The following PDLIM1 variants were observed in gnomAD, a reference collection of about 807,000 sequenced individuals.
The protein encoded by PDLIM1 is PDZ and LIM domain protein 1.
PDLIM1 carries 25 observed loss-of-function variants against 35.2 expected under a neutral mutation model. The observed-to-expected ratio is 0.71, with a 90% CI of 0.52 to 0.99. PDLIM1 has a LOEUF of 0.99. Ranked by LOEUF, PDLIM1 falls within the 50% of genes least tolerant of loss-of-function variation. The probability of loss-of-function intolerance (pLI) is 0.00; values close to 1 mark genes in which losing one functional copy is unlikely to be tolerated. For missense variants in PDLIM1, 363 were observed against 415.3 expected (o/e 0.87, Z 1.09); for synonymous variants, 152 against 154.0 (o/e 0.99, Z 0.10).
chr10:95,248,366 G>A lies in PDLIM1; in HGVS notation c.534-1000C>T, dbSNP rs537289130. ...CTCAATAGATAAATCCTCCTGCCTC[G>A]GCCTCCTGAGTGGCTAGGACTACAG... On this transcript the variant is annotated intron_variant, in intron 4 of 6. Coordinates refer to ENST00000329399, the MANE Select transcript of PDLIM1 (RefSeq NM_020992.4). Among the ~76,000 whole-genome samples the A allele has an allele frequency of 2.2e-4, 33 of 152,190 alleles. No individual in the cohort carries two copies. In the South Asian group the frequency reaches 5.0e-3, roughly 23 times the overall value.
At chr10:95,261,223 G>A (rs180903494) in intron 4 of PDLIM1, among the ~76,000 whole-genome samples, 60 of 152,284 alleles carry the variant, frequency 3.9e-4, no homozygotes, top group African/African-American at 1.4e-3. Flanking sequence ...AAATAGCCAA[G>A]GCCATACTAA....
intron 1 of PDLIM1, among the ~76,000 whole-genome samples, chr10:95,282,930 C>T (rs1019244180): frequency 6.6e-6 from 1 of 152,158 alleles, no homozygotes; most frequent in African/African-American, 2.4e-5. Flanking sequence ...GGCGACAGAG[C>T]GAGACTCCGT....
rs534190119 is a variant in PDLIM1 at position 95,267,810 on chromosome 10, A to C, written c.333+968T>G. Among the ~76,000 whole-genome samples the C allele has an allele frequency of 7.2e-5, 11 of 152,354 alleles. No homozygotes were observed. The East Asian group carries it at 2.1e-3, about 29-fold the overall frequency. ...CATCTTAATTCACCATAAAAACTAA[A>C]TAGTATCCCAAATTTAGAAAAATAA... On this transcript the variant is annotated intron_variant, in intron 3 of 6. Transcript: ENST00000329399.
intron 3 of PDLIM1, 103 bp downstream of exon 3, chr10:95,268,675 C>A (rs147583326): frequency 6.4e-6 from 5 of 786,004 alleles, no homozygotes; most frequent in African/African-American, 1.7e-5. Flanking sequence ...AGGGTCTTAT[C>A]CCCAGGCCTC....
At chr10:95,247,415 A>C in intron 4 of PDLIM1, 49 bp from the exon 5 acceptor site, 1 of 1,502,484 alleles carries the variant, frequency 6.7e-7, no homozygotes, top group Non-Finnish European at 9.1e-7. Context: ...GAAGTTAAAA[A>C]TAACTTCACC....
At chr10:95,253,532 G>A (rs974488863) in intron 4 of PDLIM1, among the ~76,000 whole-genome samples, 26 of 152,082 alleles carry the variant, frequency 1.7e-4, no homozygotes, top group Admixed American at 1.6e-3. Flanking sequence ...GCGGATGCCC[G>A]TTAATTCCAG....
chr10:95,243,815 C>T (rs1357156153), intron 5 of PDLIM1, among the ~76,000 whole-genome samples: 3 of 152,018 alleles, frequency 2.0e-5, no homozygotes, highest in Admixed American at 2.0e-4. Flanking sequence ...CATGGATGAA[C>T]CCCGAGGATA....
At position 95,247,335 on chromosome 10, in the gene PDLIM1, C is replaced by A; in HGVS notation, c.565G>T (p.Val189Phe). 2 of 1,614,044 alleles carry A rather than the reference C, an allele frequency of 1.2e-6. No homozygotes were observed. The highest frequency in any genetic ancestry group is 1.7e-6 in the Non-Finnish European group (2 of 1,179,958). The change falls in exon 5 of 7, where the codon GTC becomes TTC. Residue 189 changes from valine (V) to phenylalanine (F), a missense_variant. Physicochemically the swap from Val to Phe is conservative, Grantham distance 50. Coordinates refer to ENST00000329399, the MANE Select transcript of PDLIM1 (RefSeq NM_020992.4). ...TAAACTTCAGATTCTTTGTCGATGA[C>A]AAGGCTGCTTGGAGGCTGAGCATGG... ...LDHAQPPSSL[V>F]IDKESEVYKM...
chr10:95,284,787 C>T (rs1261016256), intron 1 of PDLIM1, among the ~76,000 whole-genome samples: 3 of 152,136 alleles, frequency 2.0e-5, no homozygotes, highest in Non-Finnish European at 2.9e-5. Flanking sequence ...TCCTACAAGA[C>T]CGCTGTGTTC....
Position 95,280,060 on chromosome 10 carries a change from T to C in PDLIM1, c.97-8276A>G, listed in dbSNP as rs562159038. Among the ~76,000 whole-genome samples, 349 of 152,326 alleles carry C rather than the reference T, an allele frequency of 2.3e-3. 2 individuals carry two copies. Among genetic ancestry groups the C allele is most frequent in the Non-Finnish European group, 3.9e-3 (266 of 68,026 alleles). On this transcript the variant is annotated intron_variant, in intron 1 of 6. Transcript: ENST00000329399. ...GTAAGTATGAGCATATTAGTCCTTT[T>C]TAGTAAATTTTCTTTTTAAAAAAAC...
chr10:95,283,997 G>C (rs1189259623), intron 1 of PDLIM1, among the ~76,000 whole-genome samples: 3 of 152,168 alleles, frequency 2.0e-5, no homozygotes, highest in African/African-American at 2.4e-5. Context: ...GTGTGTGTGT[G>C]TGTGTGTGTG....
chr10:95,260,889 T>C (rs1186979374), intron 4 of PDLIM1, among the ~76,000 whole-genome samples: 2 of 152,230 alleles, frequency 1.3e-5, no homozygotes, highest in Admixed American at 6.5e-5. Flanking sequence ...AATCTTTCTT[T>C]GTGGGAATGC....
chr10:95,239,728 G>A lies in PDLIM1; in HGVS notation c.686-1043C>T, dbSNP rs191132780. Among the ~76,000 whole-genome samples the A allele has an allele frequency of 3.9e-4, 60 of 152,232 alleles. No individual in the cohort carries two copies. The East Asian group carries it at 9.1e-3, about 23-fold the overall frequency. ...AGAGAATCACTTGAACCCAGGAGGC[G>A]GAGGTTGCAATGGGCTGAGATTGTG... On this transcript the variant is annotated intron_variant, in intron 5 of 6. Transcript: ENST00000329399.
At position 95,268,912 on chromosome 10, in the gene PDLIM1, A is replaced by G. The variant is rs202037748; in HGVS notation, c.249-50T>C. On this transcript the variant is annotated intron_variant, in intron 2 of 6. Transcript: ENST00000329399. The stretch of plus-strand genomic sequence containing the variant: ...GTTTCACTCATGTAAAATAAATAAT[A>G]TATACCAAAGACAAACTGGAAAAAT... 1.5e-4 allele frequency: 197 copies of G among 1,327,854 alleles called. No homozygotes were observed. The African/African-American group carries it at 2.4e-3, about 16-fold the overall frequency. The allele number at this position is 1,327,854 out of a possible 1,614,324, so 82.3% of individuals were successfully genotyped here. A position where few individuals can be genotyped will look rare whatever the true frequency, so the allele number is the denominator to read the frequency against.
intron 1 of PDLIM1, among the ~76,000 whole-genome samples, chr10:95,289,604 CT>C (rs1338124556): frequency 6.6e-6 from 1 of 152,224 alleles, no homozygotes; most frequent in Non-Finnish European, 1.5e-5. Context: ...TCTCCTGCAC[CT>C]CCCACCAAAC....
chr10:95,244,725 C>G (rs2035204434), intron 5 of PDLIM1, among the ~76,000 whole-genome samples: 1 of 152,024 alleles, frequency 6.6e-6, no homozygotes, highest in African/African-American at 2.4e-5. Flanking sequence ...CATGGAGAAA[C>G]CCCATCTCTA....
chr10:95,241,918 G>A (rs1261855105), intron 5 of PDLIM1, among the ~76,000 whole-genome samples: 2 of 152,194 alleles, frequency 1.3e-5, no homozygotes, highest in Non-Finnish European at 2.9e-5. Context: ...TATGAGAGAT[G>A]GTTTGGGGTA....
chr10:95,249,066 G>A (rs552863256), intron 4 of PDLIM1, among the ~76,000 whole-genome samples: 1 of 152,238 alleles, frequency 6.6e-6, no homozygotes, highest in Non-Finnish European at 1.5e-5. Flanking sequence ...AGGAGGGCAG[G>A]AGCATGGCCT....
At chr10:95,270,322 C>G (rs1175973861) in intron 2 of PDLIM1, among the ~76,000 whole-genome samples, 1 of 151,748 alleles carries the variant, frequency 6.6e-6, no homozygotes, top group African/African-American at 2.4e-5. Flanking sequence ...ACCTGCCAGT[C>G]CTGTGCCACA....
Sources: allele counts gnomAD v4.1 joint callset (sites outside exome capture counted in the v4.1 genomes callset), GRCh38; gene constraint gnomAD v4.1.1; transcripts MANE v1.5; gene names NCBI Gene and HGNC (gene_info 2026-07-23, HGNC 2026-07-21).